The following ZC3H12B variants were observed in gnomAD, a reference collection of about 807,000 sequenced individuals.
The protein encoded by ZC3H12B is probable ribonuclease ZC3H12B.
ZC3H12B carries 7 observed loss-of-function variants against 43.9 expected under a neutral mutation model. The observed-to-expected ratio is 0.16, with a 90% CI of 0.09 to 0.30. The LOEUF (loss-of-function observed/expected upper bound fraction) is 0.30, where lower values mean the gene tolerates loss of function less well. Ranked by LOEUF, ZC3H12B falls within the 10% of genes least tolerant of loss-of-function variation. The probability of loss-of-function intolerance (pLI) is 1.00; values close to 1 mark genes in which losing one functional copy is unlikely to be tolerated. For missense variants in ZC3H12B, 475 were observed against 670.2 expected, an observed-to-expected ratio of 0.71 and a Z score of 3.22; for synonymous variants, 222 against 241.7, an observed-to-expected ratio of 0.92 and a Z score of 0.76.
intron 3 of ZC3H12B, among the ~76,000 whole-genome samples, chrX:65,420,667 C>T (rs1047773754): frequency 2.7e-5 from 3 of 111,341 alleles, no homozygotes; most frequent in African/African-American, 9.8e-5. Context: ...GATCAGTGAG[C>T]TCCAAAAGCA....
the ZC3H12B span, among the ~76,000 whole-genome samples, chrX:65,246,950 A>G: frequency 2.7e-5 from 3 of 112,718 alleles, no homozygotes; most frequent in South Asian, 1.1e-3. Flanking sequence ...AAAATAAACT[A>G]TCAACAGAGT....
chrX:65,240,199 T>A, the ZC3H12B span, among the ~76,000 whole-genome samples: 1 of 112,096 alleles, frequency 8.9e-6, no homozygotes, highest in Non-Finnish European at 1.9e-5. Flanking sequence ...TCCCATCTCT[T>A]TCATGTACCA....
chrX:65,178,689 G>C, the ZC3H12B span, among the ~76,000 whole-genome samples: 1 of 112,397 alleles, frequency 8.9e-6, no homozygotes, highest in African/African-American at 3.2e-5. Flanking sequence ...ATTAGAGAAT[G>C]GCAAATCAAA....
chrX:65,361,888 G>A (rs964076407), upstream of ZC3H12B, among the ~76,000 whole-genome samples: 10 of 112,159 alleles, frequency 8.9e-5, no homozygotes, highest in African/African-American at 1.6e-4. Context: ...CCTCCACTGC[G>A]AGACAAACCC....
At chrX:65,275,522 C>T in the ZC3H12B span, among the ~76,000 whole-genome samples, 3 of 112,960 alleles carry the variant, frequency 2.7e-5, no homozygotes, top group East Asian at 8.3e-4. Flanking sequence ...CAAGCTTATG[C>T]CTAGCAAGCT....
At chrX:65,249,961 A>C in the ZC3H12B span, among the ~76,000 whole-genome samples, 7 of 110,199 alleles carry the variant, frequency 6.4e-5, no homozygotes, top group African/African-American at 2.0e-4. Context: ...ATTATACCTT[A>C]AGTTCTAGGG....
intron 4 of ZC3H12B, among the ~76,000 whole-genome samples, chrX:65,501,456 T>G (rs1214625462): frequency 9.1e-6 from 1 of 110,028 alleles, no homozygotes; most frequent in Non-Finnish European, 1.9e-5. Context: ...GGTTTCACAA[T>G]GTTGCCCAAG....
chrX:65,215,136 G>T, the ZC3H12B span, among the ~76,000 whole-genome samples: 4 of 111,970 alleles, frequency 3.6e-5, no homozygotes, highest in African/African-American at 9.7e-5. Context: ...AGCACATGTG[G>T]AGTAAATTTG....
the ZC3H12B span, among the ~76,000 whole-genome samples, chrX:65,296,542 C>A: frequency 9.0e-6 from 1 of 110,653 alleles, no homozygotes; most frequent in Non-Finnish European, 1.9e-5. Flanking sequence ...CAGTCCAGGA[C>A]CAGAGAGATT....
exon 5 of ZC3H12B, chrX:65,506,689 GATTT>G (rs1399509896): frequency 8.9e-6 from 1 of 111,951 alleles, no homozygotes; most frequent in Non-Finnish European, 1.9e-5. Context: ...TAGCTTTTCT[GATTT>G]TTTTTCTTCT....
the ZC3H12B span, among the ~76,000 whole-genome samples, chrX:65,045,106 C>T: frequency 8.1e-5 from 9 of 111,756 alleles, no homozygotes; most frequent in South Asian, 3.7e-4. Flanking sequence ...CTTGAGCTGT[C>T]GGTGAGTTGT....
chrX:65,334,689 C>T, the ZC3H12B span, among the ~76,000 whole-genome samples: 1 of 111,581 alleles, frequency 9.0e-6, no homozygotes, highest in African/African-American at 3.3e-5. Flanking sequence ...AATTGGATTA[C>T]TGGCTTCAGG....
chrX:65,196,941 G>T, the ZC3H12B span, among the ~76,000 whole-genome samples: 1 of 111,870 alleles, frequency 8.9e-6, no homozygotes, highest in Non-Finnish European at 1.9e-5. Flanking sequence ...AGTAATGCAA[G>T]AATGGCAAAG....
the ZC3H12B span, among the ~76,000 whole-genome samples, chrX:65,081,828 A>G: frequency 8.9e-6 from 1 of 112,073 alleles, no homozygotes; most frequent in African/African-American, 3.2e-5. Context: ...TGCAGAATAC[A>G]CATTCTTTTT....
At chrX:65,081,686 G>C in the ZC3H12B span, among the ~76,000 whole-genome samples, 1 of 111,654 alleles carries the variant, frequency 9.0e-6, no homozygotes, top group Non-Finnish European at 1.9e-5. Flanking sequence ...ATAATAGCTA[G>C]AGACTTCAAC....
chrX:65,223,714 A>G, the ZC3H12B span, among the ~76,000 whole-genome samples: 1 of 112,547 alleles, frequency 8.9e-6, no homozygotes, highest in African/African-American at 3.2e-5. Flanking sequence ...AAACATATGA[A>G]GAAATGCTCA....
chrX:65,332,246 A>G, the ZC3H12B span, among the ~76,000 whole-genome samples: 1 of 110,782 alleles, frequency 9.0e-6, no homozygotes, highest in African/African-American at 3.3e-5. Context: ...AGGGGCAATA[A>G]TATTCCTCCC....
chrX:65,278,718 C>T, the ZC3H12B span, among the ~76,000 whole-genome samples: 3 of 110,797 alleles, frequency 2.7e-5, no homozygotes, highest in African/African-American at 9.8e-5. Flanking sequence ...ACAGGTGTCA[C>T]TGGGGTTTGT....
chrX:65,426,480 C>A (rs2067085464), intron 3 of ZC3H12B, among the ~76,000 whole-genome samples: 1 of 105,434 alleles, frequency 9.5e-6, no homozygotes, highest in African/African-American at 3.5e-5. Context: ...TTCAATTCAG[C>A]TTTGATCTTG....
Sources: allele counts gnomAD v4.1 joint callset (sites outside exome capture counted in the v4.1 genomes callset), GRCh38; gene constraint gnomAD v4.1.1; transcripts MANE v1.5; gene names NCBI Gene and HGNC (gene_info 2026-07-23, HGNC 2026-07-21).